The following TMEM269 variants were observed in gnomAD, a reference collection of about 807,000 sequenced individuals.
TMEM269 encodes transmembrane protein 269.
In TMEM269, 12 loss-of-function variants were observed where a neutral mutation model predicts 15.8. The observed-to-expected ratio is 0.76, with a 90% CI of 0.49 to 1.23. The LOEUF is 1.23. TMEM269 is among the 50% of genes most tolerant of loss of function. The pLI is 0.00. For missense variants in TMEM269, 211 were observed against 245.4 expected, an observed-to-expected ratio of 0.86 and a Z score of 0.94; for synonymous variants, 93 against 99.3, an observed-to-expected ratio of 0.94 and a Z score of 0.38.
At chr1:42,789,350 T>G (rs1653637689) in intron 1 of TMEM269, 1 of 1,243,810 alleles carries the variant, frequency 8.0e-7, no homozygotes, top group Admixed American at 2.0e-5. Context: ...AGGAGTGAAC[T>G]TGGACTGTGG....
chr1:42,793,908 T>C (rs555154941), intron 4 of TMEM269, among the ~76,000 whole-genome samples, 164 bp downstream of exon 4: 1 of 152,332 alleles, frequency 6.6e-6, no homozygotes, highest in South Asian at 2.1e-4. Flanking sequence ...GGCTGCAGGC[T>C]GCATTGGCAG....
At position 42,794,447 on chromosome 1, in the gene TMEM269, C is replaced by T. The variant is rs1653756090; in HGVS notation, c.318C>T (p.Pro106=). Residue 106 remains proline (P), a synonymous_variant, in exon 5 of 6, where the codon CCC becomes CCT. Transcript: ENST00000637012. ...VPSTYKGLPC[P]YASCILASTS... is the part of the protein sequence containing the mutation. Reference sequence around the variant, plus strand: ...CCACATACAAGGGTCTACCCTGCCCCTATGCTTCCTGCATCTTGGCTTCCA... The same window carrying T: ...CCACATACAAGGGTCTACCCTGCCCTTATGCTTCCTGCATCTTGGCTTCCA... The T allele has an allele frequency of 6.4e-7, 1 of 1,550,632 alleles. No homozygotes were observed. Among genetic ancestry groups the T allele is most frequent in the Non-Finnish European group, 8.7e-7 (1 of 1,147,012 alleles).
At chr1:42,786,021 G>A in intron 1 of TMEM269, among the ~76,000 whole-genome samples, 1 of 152,200 alleles carries the variant, frequency 6.6e-6, no homozygotes, top group East Asian at 1.9e-4. Flanking sequence ...GCAGCCATTG[G>A]CAATAAATAA....
intron 2 of TMEM269, 34 bp downstream of exon 2, chr1:42,789,968 A>AGCTT: frequency 6.8e-7 from 1 of 1,480,798 alleles, no homozygotes; most frequent in African/African-American, 1.4e-5. Context: ...CTTAGCCAAG[A>AGCTT]GCTGGAGCCA....
At chr1:42,789,193 G>A (rs1653602575) in intron 1 of TMEM269, 2 of 530,336 alleles carry the variant, frequency 3.8e-6, no homozygotes, top group Non-Finnish European at 6.8e-6. Context: ...AAAGTGCTGG[G>A]ATTACAGGCA....
chr1:42,800,731 C>T lies in TMEM269; in HGVS notation c.*2506C>T, dbSNP rs1653875443. On this transcript the variant is annotated 3_prime_UTR_variant, in exon 6 of 6. Transcript: ENST00000637012. ...CAGGGTTGTTTTGTGGATTGAACAA[C>T]CGTGATGTTTTATGTGGATGAATGT... 6.6e-6 allele frequency: 1 copy of T among 152,098 alleles called. No individual in the cohort carries two copies. The highest frequency in any genetic ancestry group is 2.4e-5 in the African/African-American group (1 of 41,410). 9.4% of individuals were successfully genotyped at this position (152,098 alleles called of 1,614,324 possible).
chr1:42,795,746 T>A (rs1262968781), intron 5 of TMEM269, among the ~76,000 whole-genome samples: 2 of 152,180 alleles, frequency 1.3e-5, no homozygotes, highest in East Asian at 3.8e-4. Context: ...CAGTTTTTCT[T>A]CTCTTAAAAT....
In TMEM269 at chr1:42,798,732, G is replaced by GTTTTTTTTTTTTT. The variant is rs34379398; in HGVS notation, c.*523_*535dup. ...GGATTTTGTAACTTCAACATTCTGG[G>GTTTTTTTTTTTTT]TTTTTTTTTTTTTTTTTTTTTTTTT... On this transcript the variant is annotated 3_prime_UTR_variant, in exon 6 of 6. Coordinates refer to ENST00000637012, the MANE Select transcript of TMEM269 (RefSeq NM_001354602.2). 1.2e-5 allele frequency: 1 copy of GTTTTTTTTTTTTT among 82,294 alleles called. No individual in the cohort carries two copies. The highest frequency in any genetic ancestry group is 1.6e-4 in the Admixed American group (1 of 6,144). 5.1% of individuals were successfully genotyped at this position (82,294 alleles called of 1,614,324 possible). A position where few individuals can be genotyped will look rare whatever the true frequency, so the allele number is the denominator to read the frequency against.
At chr1:42,796,226 G>C (rs139868497) in intron 5 of TMEM269, among the ~76,000 whole-genome samples, 1 of 152,286 alleles carries the variant, frequency 6.6e-6, no homozygotes, top group East Asian at 1.9e-4. Flanking sequence ...CATAACAGTA[G>C]TATTGCTTAG....
chr1:42,792,658 CATG>C, intron 2 of TMEM269, 144 bp from the exon 3 acceptor site: 1 of 642,488 alleles, frequency 1.6e-6, no homozygotes, highest in Non-Finnish European at 2.8e-6. Context: ...GTGTGGGGGA[CATG>C]AAGAGGTGTG....
intron 5 of TMEM269, among the ~76,000 whole-genome samples, chr1:42,796,140 A>G (rs942646846): frequency 7.2e-5 from 11 of 152,210 alleles, no homozygotes; most frequent in Non-Finnish European, 1.6e-4. Flanking sequence ...AAATGAGATA[A>G]TAAATATAAA....
chr1:42,795,803 T>C (rs1653782445), intron 5 of TMEM269, among the ~76,000 whole-genome samples: 1 of 152,216 alleles, frequency 6.6e-6, no homozygotes, highest in Admixed American at 6.5e-5. Context: ...CAGAGTTCCT[T>C]CCATTATTCC....
chr1:42,796,850 A>C (rs890393884), intron 5 of TMEM269: 1 of 152,042 alleles, frequency 6.6e-6, no homozygotes, highest in African/African-American at 2.4e-5. Context: ...ATCAGATCAT[A>C]TGTTCTGATT....
intron 2 of TMEM269, among the ~76,000 whole-genome samples, chr1:42,790,717 G>A (rs1240056021): frequency 6.6e-6 from 1 of 151,758 alleles, no homozygotes; most frequent in Non-Finnish European, 1.5e-5. Flanking sequence ...ACAAACGTGA[G>A]CCACTGTGCC....
rs1653861619 is a variant in TMEM269 at position 42,799,986 on chromosome 1, A to C, written c.*1761A>C. The C allele has an allele frequency of 6.6e-6, 1 of 152,208 alleles. No individual in the cohort carries two copies. Among genetic ancestry groups the C allele is most frequent in the Admixed American group, 6.5e-5 (1 of 15,282 alleles). The allele number at this position is 152,208 out of a possible 1,614,324, so 9.4% of individuals were successfully genotyped here. ...AAATCAAATTAGGTATCATATTTGGACTCAAATGCCTTGTGGCTGTTTCTA... is the reference window on the plus strand; with the variant it reads ...AAATCAAATTAGGTATCATATTTGGCCTCAAATGCCTTGTGGCTGTTTCTA... On this transcript the variant is annotated 3_prime_UTR_variant, in exon 6 of 6. Coordinates refer to ENST00000637012, the MANE Select transcript of TMEM269 (RefSeq NM_001354602.2).
rs192060226 is a variant in TMEM269 at position 42,790,155 on chromosome 1, A to G, written c.41+221A>G. ...GAATGGTTTCTGTGAGAAAGTCAAT[A>G]GATTCTGTTCTGGTGGCCCTTATGC... On this transcript the variant is annotated intron_variant, in intron 2 of 5. Coordinates refer to ENST00000637012, the MANE Select transcript of TMEM269 (RefSeq NM_001354602.2). 2.5e-3 allele frequency among the ~76,000 whole-genome samples: 378 copies of G among 152,310 alleles called. 1 individual carries two copies. The highest frequency in any genetic ancestry group is 8.7e-3 in the African/African-American group (363 of 41,568).
At position 42,797,822 on chromosome 1, in the gene TMEM269, C is replaced by T. The variant is rs1415905951; in HGVS notation, c.485-276C>T. Reference sequence around the variant, plus strand: ...TTTTGTCTTGGTTTGTTTTGTTTTCCCTAACAAAGGCAATTCAGATTTATT... The same window carrying T: ...TTTTGTCTTGGTTTGTTTTGTTTTCTCTAACAAAGGCAATTCAGATTTATT... On this transcript the variant is annotated intron_variant, in intron 5 of 5. Transcript: ENST00000637012. This position sits in a 1 kb window ranked among gnomAD's most constrained non-coding sequence, Gnocchi z 4.9. 1.7e-6 allele frequency: 1 copy of T among 588,730 alleles called. No homozygotes were observed. Among genetic ancestry groups the T allele is most frequent in the Non-Finnish European group, 3.3e-6 (1 of 304,662 alleles). 36.5% of individuals were successfully genotyped at this position (588,730 alleles called of 1,614,324 possible).
At chr1:42,794,282 T>C in intron 4 of TMEM269, 131 bp from the exon 5 acceptor site, 1 of 665,492 alleles carries the variant, frequency 1.5e-6, no homozygotes, top group Non-Finnish European at 2.6e-6. Context: ...ATTTTCAGCC[T>C]GCCACTGCCT....
At chr1:42,785,688 T>A (rs1653527985) in intron 1 of TMEM269, among the ~76,000 whole-genome samples, 1 of 152,214 alleles carries the variant, frequency 6.6e-6, no homozygotes. Flanking sequence ...TACCTGCCAG[T>A]GTCATCTCTG....
Sources: gnomAD v4.1 joint callset for allele counts (sites outside exome capture counted in the v4.1 genomes callset) on GRCh38, gnomAD v4.1.1 for gene constraint, Gnocchi (gnomAD v3.1) non-coding constraint, MANE v1.5 for transcripts, NCBI Gene and HGNC (gene_info 2026-07-23, HGNC 2026-07-21) for gene names.